Variants in MTMR8 observed in about 807,000 individuals in gnomAD.
MTMR8 encodes myotubularin related protein 8.
Under a neutral mutation model 39.3 loss-of-function variants are expected in MTMR8, and 65 were observed. The ratio of observed to expected loss-of-function variants is 1.65; its 90% CI spans 1.35 to 2.03. The LOEUF is 2.03. MTMR8 is among the 30% of genes most tolerant of loss of function. The pLI is 0.00. For synonymous variants in MTMR8, 245 were observed against 185.2 expected (o/e 1.32, Z -2.62); for missense variants, 777 against 538.9 (o/e 1.44, Z -4.37).
rs111947425 is a variant in MTMR8, at chrX:64,336,325, C to T, written c.1102-197G>A. On this transcript the variant is annotated intron_variant, in intron 9 of 13. Coordinates refer to ENST00000374852, the MANE Select transcript of MTMR8 (RefSeq NM_017677.4). ...AGGGTGCCTTCAAATTTCAGATGCT[C>T]TCAGACATATCCAGAGTCAAATTTC... Among the ~76,000 whole-genome samples, 399 of 111,104 alleles carry T rather than the reference C, an allele frequency of 3.6e-3. 2 individuals carry two copies. Among genetic ancestry groups the T allele is most frequent in the African/African-American group, 0.012 (373 of 30,552 alleles).
chrX:64,270,794 T>A (rs1179867134), intron 13 of MTMR8, among the ~76,000 whole-genome samples, 153 bp downstream of exon 13: 1 of 111,575 alleles, frequency 9.0e-6, no homozygotes, highest in Non-Finnish European at 1.9e-5. Context: ...AAAGGAGTTA[T>A]GCTCAGAGAT....
At chrX:64,284,653 G>C (rs1200552770) in intron 12 of MTMR8, among the ~76,000 whole-genome samples, 7 of 111,846 alleles carry the variant, frequency 6.3e-5, no homozygotes, top group East Asian at 2.8e-4. Flanking sequence ...AGCCAGAAGA[G>C]AGTGGGGGCC....
chrX:64,269,241 A>T (rs1931702276), intron 13 of MTMR8, among the ~76,000 whole-genome samples, 198 bp from the exon 14 acceptor site: 1 of 111,443 alleles, frequency 9.0e-6, no homozygotes, highest in South Asian at 3.8e-4. Context: ...GAAGAATGTC[A>T]AAGGTCTTAT....
At chrX:64,279,451 A>C (rs767792446) in intron 12 of MTMR8, among the ~76,000 whole-genome samples, 1 of 112,205 alleles carries the variant, frequency 8.9e-6, no homozygotes, top group African/African-American at 3.2e-5. Context: ...ATAAACAATA[A>C]ACTACAAAAT....
At chrX:64,277,904 T>A (rs1931915462) in intron 12 of MTMR8, among the ~76,000 whole-genome samples, 1 of 110,554 alleles carries the variant, frequency 9.0e-6, no homozygotes, top group Non-Finnish European at 1.9e-5. Flanking sequence ...AGTCCCATAT[T>A]TCTTGGAGGC....
intron 13 of MTMR8, 116 bp from the exon 14 acceptor site, chrX:64,269,159 C>A: frequency 2.7e-6 from 2 of 730,478 alleles, no homozygotes; most frequent in Non-Finnish European, 4.0e-6. Context: ...AGCAAATGAC[C>A]TTTTGCTCAC....
chrX:64,303,587 C>G (rs1048243576), intron 12 of MTMR8, among the ~76,000 whole-genome samples: 2 of 112,104 alleles, frequency 1.8e-5, no homozygotes, highest in African/African-American at 6.5e-5. Flanking sequence ...ACATGATTTC[C>G]TAAAATGAGC....
At chrX:64,379,546 C>A (rs1162507121) in intron 1 of MTMR8, among the ~76,000 whole-genome samples, 1 of 111,237 alleles carries the variant, frequency 9.0e-6, no homozygotes, top group Non-Finnish European at 1.9e-5. Context: ...AGGATCTAAC[C>A]CAGTCCTCTC....
chrX:64,285,832 A>G (rs1921150141), intron 12 of MTMR8, among the ~76,000 whole-genome samples: 2 of 111,530 alleles, frequency 1.8e-5, no homozygotes, highest in African/African-American at 3.3e-5. Flanking sequence ...AGCAGTGTGT[A>G]GAGGGAAATT....
chrX:64,338,480 A>G (rs1229232275), intron 8 of MTMR8, among the ~76,000 whole-genome samples: 2 of 112,397 alleles, frequency 1.8e-5, no homozygotes, highest in Non-Finnish European at 3.8e-5. Flanking sequence ...CAGCGTGTAC[A>G]TTGCAAGGAG....
chrX:64,327,749 A>G (rs1922836198), intron 12 of MTMR8, among the ~76,000 whole-genome samples: 1 of 112,479 alleles, frequency 8.9e-6, no homozygotes, highest in Admixed American at 9.4e-5. Context: ...TTGCAGCACT[A>G]TTCACAATAG....
chrX:64,337,563 G>A (rs1923111794), intron 8 of MTMR8, among the ~76,000 whole-genome samples, 170 bp from the exon 9 acceptor site: 1 of 111,860 alleles, frequency 8.9e-6, no homozygotes, highest in African/African-American at 3.3e-5. Context: ...GGAAAACAAT[G>A]GAGTTCAAGA....
At position 64,324,579 on chromosome X, in the gene MTMR8, G is replaced by A. The variant is rs1444804727; in HGVS notation, c.1481+4193C>T. Among the ~76,000 whole-genome samples, 4 of 110,149 alleles carry A rather than the reference G, an allele frequency of 3.6e-5. No individual in the cohort carries two copies. The South Asian group carries it at 1.2e-3, about 32-fold the overall frequency. On this transcript the variant is annotated intron_variant, in intron 12 of 13. Coordinates refer to ENST00000374852, the MANE Select transcript of MTMR8 (RefSeq NM_017677.4). ...ATGCACCTGTAGTCCCAGATACTCA[G>A]GGAGCTGAGGCAGGAGGATCACCTG...
chrX:64,275,491 T>G (rs1411154042), intron 12 of MTMR8, among the ~76,000 whole-genome samples: 2 of 104,692 alleles, frequency 1.9e-5, no homozygotes, highest in Non-Finnish European at 3.9e-5. Context: ...AGGCCAGGAG[T>G]TCGAGACCAG....
intron 9 of MTMR8, among the ~76,000 whole-genome samples, chrX:64,336,648 T>A (rs1438635090): frequency 3.6e-5 from 4 of 110,077 alleles, no homozygotes; most frequent in African/African-American, 6.6e-5. Context: ...AATACAAAAA[T>A]TAGCCAAGCA....
At chrX:64,362,471 G>GAAAAAAAAAAAAAAAAAAAAA (rs760545171) in intron 1 of MTMR8, among the ~76,000 whole-genome samples, 1 of 5,500 alleles carries the variant, frequency 1.8e-4, no homozygotes, top group Non-Finnish European at 3.6e-4. Flanking sequence ...TACTATTGCA[G>GAAAAAAAAAAAAAAAAAAAAA]AAAAAAAAAA....
chrX:64,364,900 T>C (rs1466866399), intron 1 of MTMR8, among the ~76,000 whole-genome samples: 1 of 110,664 alleles, frequency 9.0e-6, no homozygotes, highest in Non-Finnish European at 1.9e-5. Context: ...GAATAAACAG[T>C]GTAGAGAAGA....
chrX:64,366,542 T>C (rs1021695457), intron 1 of MTMR8, among the ~76,000 whole-genome samples: 4 of 112,018 alleles, frequency 3.6e-5, no homozygotes, highest in Non-Finnish European at 3.8e-5. Context: ...GAAATAAAGA[T>C]GTTCTTTGAA....
At chrX:64,367,499 C>A (rs150995299) in intron 1 of MTMR8, among the ~76,000 whole-genome samples, 2 of 111,506 alleles carry the variant, frequency 1.8e-5, no homozygotes, top group African/African-American at 6.5e-5. Flanking sequence ...ACAGAACCAA[C>A]GACAAAAACC....
Sources: allele counts gnomAD v4.1 joint callset (sites outside exome capture counted in the v4.1 genomes callset), GRCh38; gene constraint gnomAD v4.1.1; transcripts MANE v1.5; gene names NCBI Gene and HGNC (gene_info 2026-07-23, HGNC 2026-07-21).